Variants in DNA2 observed in about 807,000 individuals in gnomAD.
DNA2 encodes DNA replication ATP-dependent helicase/nuclease DNA2.
In DNA2, 101 loss-of-function variants were observed where a neutral mutation model predicts 119.1. That is an observed-to-expected ratio of 0.85 (90% CI 0.72 to 1.00). The LOEUF is 1.00. Among genes scored for constraint, DNA2 ranks in the 50% least tolerant of loss-of-function variants. DNA2 has a pLI of 0.00. For missense variants in DNA2, 1,121 were observed against 1,255.5 expected (o/e 0.89, Z 1.62); for synonymous variants, 366 against 424.4 (o/e 0.86, Z 1.69).
At chr10:68,455,419 T>C (rs2052169997) in intron 5 of DNA2, among the ~76,000 whole-genome samples, 1 of 152,212 alleles carries the variant, frequency 6.6e-6, no homozygotes, top group Admixed American at 6.5e-5. Context: ...CATTTATAAA[T>C]TTATTTTTAA....
intron 1 of DNA2, chr10:68,470,463 T>C (rs2052371506): frequency 2.8e-6 from 1 of 361,784 alleles, no homozygotes; most frequent in Non-Finnish European, 5.3e-6. Context: ...AAGAATAAAC[T>C]GGAAGCCAGG....
At position 68,464,829 on chromosome 10, in the gene DNA2, CAAAAAAAAAAAAAA is replaced by C. The variant is rs71009067; in HGVS notation, c.587+824_587+837del. ...GGACAACAAGAGCGAAACTCCACCT[CAAAAAAAAAAAAAA>C]AAAAAAAAAAAAAAACTGGTAAGGC... is the stretch of plus-strand genomic sequence containing the variant. On this transcript the variant is annotated intron_variant, in intron 4 of 20. Coordinates refer to ENST00000358410, the MANE Select transcript of DNA2 (RefSeq NM_001080449.3). 4.9e-4 allele frequency among the ~76,000 whole-genome samples: 20 copies of C among 40,652 alleles called. No homozygotes were observed. In the South Asian group the frequency reaches 0.011, roughly 23 times the overall value. 26.7% of individuals were successfully genotyped at this position (40,652 alleles called of 152,430 possible). A position where few individuals can be genotyped will look rare whatever the true frequency, so the allele number is the denominator to read the frequency against.
intron 6 of DNA2, among the ~76,000 whole-genome samples, chr10:68,447,261 T>C (rs114585303): frequency 0.018 from 2,684 of 152,134 alleles, 85 homozygotes; most frequent in African/African-American, 0.062. Context: ...CTCATGACTA[T>C]ACTCCCAGCA....
intron 9 of DNA2, among the ~76,000 whole-genome samples, chr10:68,440,024 CT>C (rs2051946969): frequency 6.6e-6 from 1 of 151,314 alleles, no homozygotes; most frequent in Admixed American, 6.6e-5. Flanking sequence ...ATTTTTTTGG[CT>C]GGGTGCAGTG....
chr10:68,423,736 CAT>C (rs777470013), intron 14 of DNA2, among the ~76,000 whole-genome samples: 9 of 152,204 alleles, frequency 5.9e-5, no homozygotes, highest in Admixed American at 1.3e-4. Flanking sequence ...ACCAACCCCA[CAT>C]GTTAGTAGAG....
chr10:68,415,370 G>A (rs2051575329), intron 20 of DNA2, among the ~76,000 whole-genome samples: 1 of 151,446 alleles, frequency 6.6e-6, no homozygotes, highest in Middle Eastern at 3.2e-3. Context: ...TCTGCCTCCT[G>A]GGTTCAAGAG....
intron 13 of DNA2, among the ~76,000 whole-genome samples, chr10:68,431,529 C>T (rs1410995124): frequency 6.6e-6 from 1 of 152,084 alleles, no homozygotes; most frequent in Non-Finnish European, 1.5e-5. Flanking sequence ...AAGTGATCCG[C>T]CCGCCTTGGC....
In DNA2 at chr10:68,469,884, CAATTA is replaced by C. The variant is rs1034440232; in HGVS notation, c.257+92_257+96del. 5.4e-6 allele frequency: 6 copies of C among 1,120,738 alleles called. No homozygotes were observed. In the Admixed American group the frequency reaches 1.5e-4, roughly 28 times the overall value. 69.4% of individuals were successfully genotyped at this position (1,120,738 alleles called of 1,614,324 possible). ...AAGATCAAACCTACTCCCTTTTAAA[CAATTA>C]AATTATAGTAACATTCACAGAAGCC... is the stretch of plus-strand genomic sequence containing the variant. On this transcript the variant is annotated intron_variant, in intron 2 of 20. Coordinates refer to ENST00000358410, the MANE Select transcript of DNA2 (RefSeq NM_001080449.3).
intron 13 of DNA2, among the ~76,000 whole-genome samples, chr10:68,431,113 T>A (rs1446554030): frequency 6.6e-6 from 1 of 151,380 alleles, no homozygotes; most frequent in Non-Finnish European, 1.5e-5. Flanking sequence ...CATTCCAACC[T>A]GGTCTCAAAT....
intron 14 of DNA2, chr10:68,424,704 A>G (rs905317256): frequency 1.4e-5 from 22 of 1,604,162 alleles, no homozygotes; most frequent in Non-Finnish European, 1.4e-5. Flanking sequence ...CTCCACACCC[A>G]TCCGCAAGGA....
intron 5 of DNA2, among the ~76,000 whole-genome samples, chr10:68,457,168 C>T (rs2052196294): frequency 1.3e-5 from 2 of 152,120 alleles, no homozygotes; most frequent in East Asian, 3.9e-4. Context: ...GATAAAAACC[C>T]TCCAATGGCT....
intron 6 of DNA2, among the ~76,000 whole-genome samples, chr10:68,449,502 G>A (rs2133412626): frequency 6.6e-6 from 1 of 152,214 alleles, no homozygotes; most frequent in African/African-American, 2.4e-5. Context: ...AAGGCTGGGT[G>A]CAAGTGGCTC....
At chr10:68,417,391 C>CAAAAAAAAAAAAA (rs35777569) in intron 19 of DNA2, among the ~76,000 whole-genome samples, 3 of 77,502 alleles carry the variant, frequency 3.9e-5, no homozygotes, top group Admixed American at 1.7e-4. Flanking sequence ...ATAAGAAAAC[C>CAAAAAAAAAAAAA]AAAAAAAAAA....
intron 10 of DNA2, among the ~76,000 whole-genome samples, chr10:68,434,842 AG>A (rs370637355): frequency 1.0e-3 from 153 of 152,270 alleles, no homozygotes; most frequent in African/African-American, 3.5e-3. Context: ...GACTCAACTA[AG>A]ATTACTGATC....
At chr10:68,444,135 T>G (rs2052006178) in intron 8 of DNA2, among the ~76,000 whole-genome samples, 1 of 152,002 alleles carries the variant, frequency 6.6e-6, no homozygotes, top group African/African-American at 2.4e-5. Context: ...TTCATGCCTG[T>G]AATCCCAGCA....
chr10:68,445,514 C>T (rs114365329), intron 7 of DNA2, among the ~76,000 whole-genome samples: 5,897 of 151,918 alleles, frequency 0.039, 383 homozygotes, highest in African/African-American at 0.13. Flanking sequence ...CATTTTAAAA[C>T]GGAGAAAACA....
intron 6 of DNA2, among the ~76,000 whole-genome samples, chr10:68,449,414 CAA>C (rs1193658784): frequency 6.6e-6 from 1 of 152,058 alleles, no homozygotes; most frequent in African/African-American, 2.4e-5. Context: ...ATAGGTGAAA[CAA>C]AGTTACCCTA....
At chr10:68,434,189 C>T (rs1439448244) in intron 10 of DNA2, among the ~76,000 whole-genome samples, 1 of 151,944 alleles carries the variant, frequency 6.6e-6, no homozygotes, top group East Asian at 1.9e-4. Context: ...GCAGGAGAAT[C>T]GCTTGAGCCT....
intron 20 of DNA2, 81 bp from the exon 21 acceptor site, chr10:68,415,188 TTTGAC>T: frequency 1.1e-6 from 1 of 897,064 alleles, no homozygotes; most frequent in Non-Finnish European, 1.7e-6. Flanking sequence ...CATTTTGTAA[TTTGAC>T]TTACAGGACC....
Sources: allele counts gnomAD v4.1 joint callset (sites outside exome capture counted in the v4.1 genomes callset), GRCh38; gene constraint gnomAD v4.1.1; transcripts MANE v1.5; gene names NCBI Gene and HGNC (gene_info 2026-07-23, HGNC 2026-07-21).